IMMP2L: variants seen among roughly 807,000 people sequenced by gnomAD.
IMMP2L encodes the protein mitochondrial inner membrane protease subunit 2.
In IMMP2L, 18 loss-of-function variants were observed where a neutral mutation model predicts 19.3. The ratio of observed to expected loss-of-function variants is 0.93; its 90% CI spans 0.64 to 1.38. The LOEUF (loss-of-function observed/expected upper bound fraction) is 1.38. IMMP2L is among the 40% of genes most tolerant of loss of function. The pLI is 0.00. For missense variants in IMMP2L, 233 were observed against 218.2 expected (o/e 1.07, Z -0.43); for synonymous variants, 76 against 73.0 (o/e 1.04, Z -0.21).
intron 3 of IMMP2L, among the ~76,000 whole-genome samples, chr7:110,998,503 C>T (rs1032233880): frequency 2.0e-5 from 3 of 152,148 alleles, no homozygotes; most frequent in African/African-American, 7.2e-5. Context: ...TTAATCACTG[C>T]AAATTAGTAA....
At chr7:110,847,249 A>C (rs1408186589) in intron 5 of IMMP2L, among the ~76,000 whole-genome samples, 2 of 152,186 alleles carry the variant, frequency 1.3e-5, no homozygotes, top group African/African-American at 2.4e-5. Context: ...TAATACATTG[A>C]AAAGGTTTGC....
intron 3 of IMMP2L, among the ~76,000 whole-genome samples, chr7:111,161,861 G>A (rs547557303): frequency 6.6e-6 from 1 of 151,974 alleles, no homozygotes. Context: ...TTTATTGACA[G>A]GACAATTTTT....
chr7:111,027,628 G>C (rs1826987192), intron 3 of IMMP2L, among the ~76,000 whole-genome samples: 1 of 151,778 alleles, frequency 6.6e-6, no homozygotes, highest in South Asian at 2.1e-4. Flanking sequence ...AAATGCTCTT[G>C]GTCTACAGAC....
chr7:110,918,607 C>T (rs1401684115), intron 4 of IMMP2L, among the ~76,000 whole-genome samples: 1 of 151,700 alleles, frequency 6.6e-6, no homozygotes, highest in African/African-American at 2.4e-5. Flanking sequence ...AGGCGTGTAC[C>T]ACCACAGTTG....
chr7:111,392,723 G>A (rs1330972907), intron 3 of IMMP2L: 2 of 456,110 alleles, frequency 4.4e-6, no homozygotes, highest in African/African-American at 4.0e-5. Flanking sequence ...TAAAGTCTGA[G>A]GTGGGAGGGT....
intron 3 of IMMP2L, among the ~76,000 whole-genome samples, chr7:111,295,322 A>G (rs533191393): frequency 1.3e-5 from 2 of 152,028 alleles, no homozygotes; most frequent in Admixed American, 1.3e-4. Flanking sequence ...GACCACAGAT[A>G]AGAACCAAAA....
intron 1 of IMMP2L, among the ~76,000 whole-genome samples, chr7:111,556,014 G>GTATATATATATA: frequency 8.7e-6 from 1 of 114,570 alleles, no homozygotes; most frequent in South Asian, 3.1e-4. Context: ...TCTTCTGTGT[G>GTATATATATATA]CATGTATATA....
intron 3 of IMMP2L, among the ~76,000 whole-genome samples, chr7:111,104,564 A>T (rs1798333530): frequency 6.6e-6 from 1 of 151,122 alleles, no homozygotes; most frequent in Admixed American, 6.6e-5. Context: ...GGTTGCCAGC[A>T]ATAGTTGTAA....
intron 3 of IMMP2L, among the ~76,000 whole-genome samples, chr7:111,349,519 G>T (rs1827925201): frequency 6.6e-6 from 1 of 152,116 alleles, no homozygotes; most frequent in Admixed American, 6.5e-5. Flanking sequence ...AATGATAAAA[G>T]TCAGCTTCTC....
At chr7:111,035,077 A>C (rs1006328818) in intron 3 of IMMP2L, among the ~76,000 whole-genome samples, 1 of 152,140 alleles carries the variant, frequency 6.6e-6, no homozygotes, top group Non-Finnish European at 1.5e-5. Flanking sequence ...ACAGAATATT[A>C]AAGAATCCAA....
intron 5 of IMMP2L, among the ~76,000 whole-genome samples, chr7:110,753,760 G>A (rs945928074): frequency 6.6e-6 from 1 of 151,506 alleles, no homozygotes; most frequent in Non-Finnish European, 1.5e-5. Context: ...TGGGGTGTGT[G>A]TGTGTGTGTG....
intron 4 of IMMP2L, among the ~76,000 whole-genome samples, chr7:110,945,929 C>T (rs1585383863): frequency 6.6e-6 from 1 of 152,140 alleles, no homozygotes; most frequent in Non-Finnish European, 1.5e-5. Flanking sequence ...ACAGTGGCAG[C>T]TCACTTGAAG....
intron 3 of IMMP2L, among the ~76,000 whole-genome samples, chr7:111,037,478 T>C (rs565562072): frequency 1.3e-5 from 2 of 152,092 alleles, no homozygotes; most frequent in South Asian, 4.1e-4. Context: ...TAGTAGGATA[T>C]CATTTTATAT....
chr7:111,035,573 C>T (rs1414005142), intron 3 of IMMP2L, among the ~76,000 whole-genome samples: 3 of 152,088 alleles, frequency 2.0e-5, no homozygotes, highest in African/African-American at 7.2e-5. Flanking sequence ...ATTTTTGCAA[C>T]ATTGTATACA....
intron 5 of IMMP2L, among the ~76,000 whole-genome samples, chr7:110,835,376 C>A (rs573486986): frequency 6.6e-6 from 1 of 152,158 alleles, no homozygotes; most frequent in South Asian, 2.1e-4. Flanking sequence ...TATGGCAGTG[C>A]TTTTTATAGA....
chr7:111,157,456 A>C (rs1020185606), intron 3 of IMMP2L, among the ~76,000 whole-genome samples: 2 of 152,112 alleles, frequency 1.3e-5, no homozygotes, highest in African/African-American at 4.8e-5. Flanking sequence ...TCATTATGTT[A>C]AGTGAAATAA....
At chr7:110,848,718 T>C (rs551178347) in intron 5 of IMMP2L, among the ~76,000 whole-genome samples, 7 of 152,252 alleles carry the variant, frequency 4.6e-5, no homozygotes, top group African/African-American at 1.7e-4. Flanking sequence ...TGGAATATTA[T>C]TCACTGCTAA....
intron 3 of IMMP2L, among the ~76,000 whole-genome samples, chr7:111,242,245 T>A (rs535023887): frequency 6.6e-6 from 1 of 152,052 alleles, no homozygotes; most frequent in African/African-American, 2.4e-5. Context: ...CAGTCATAAA[T>A]CAGTCCCTTT....
intron 3 of IMMP2L, among the ~76,000 whole-genome samples, chr7:111,226,060 A>G (rs532402694): frequency 6.6e-6 from 1 of 152,224 alleles, no homozygotes; most frequent in Admixed American, 6.5e-5. Context: ...TTTAGACTAA[A>G]GCTATCCTTG....
Sources: allele counts gnomAD v4.1 joint callset (sites outside exome capture counted in the v4.1 genomes callset), GRCh38; gene constraint gnomAD v4.1.1; transcripts MANE v1.5; gene names NCBI Gene and HGNC (gene_info 2026-07-23, HGNC 2026-07-21).